The following CIMAP3 variants were observed in gnomAD, a reference collection of about 807,000 sequenced individuals.
CIMAP3 encodes ciliary microtubule associated protein 3.
chr1:111,347,028 G>A, the CIMAP3 span: 3 of 1,613,112 alleles, frequency 1.9e-6, no homozygotes, highest in South Asian at 2.2e-5. Flanking sequence ...CCCACAGAGG[G>A]CCTGGGTGTT....
At chr1:111,352,501 AAAT>A in the CIMAP3 span, 1 of 152,658 alleles carries the variant, frequency 6.6e-6, no homozygotes, top group Non-Finnish European at 1.5e-5. Context: ...AGGTCTTCTG[AAAT>A]AATAATGGTG....
the CIMAP3 span, chr1:111,348,856 A>G: frequency 2.1e-6 from 1 of 473,824 alleles, no homozygotes; most frequent in South Asian, 3.3e-5. Context: ...TTTTATTAAC[A>G]TGCCAGGTAG....
the CIMAP3 span, chr1:111,348,636 T>TA: frequency 4.4e-6 from 7 of 1,597,514 alleles, no homozygotes. Flanking sequence ...AAAGGACACT[T>TA]ACTATCCCAG....
the CIMAP3 span, among the ~76,000 whole-genome samples, chr1:111,330,744 T>C: frequency 2.6e-5 from 4 of 152,178 alleles, no homozygotes; most frequent in Admixed American, 1.3e-4. Flanking sequence ...TAGTAGTGGT[T>C]GTGGCCAAGG....
chr1:111,327,550 A>G, the CIMAP3 span, among the ~76,000 whole-genome samples: 119 of 152,202 alleles, frequency 7.8e-4, no homozygotes, highest in African/African-American at 2.7e-3. Flanking sequence ...TCATTGGCCT[A>G]TTCAGGGAAT....
At chr1:111,332,851 T>A in the CIMAP3 span, among the ~76,000 whole-genome samples, 3 of 152,156 alleles carry the variant, frequency 2.0e-5, no homozygotes, top group Non-Finnish European at 4.4e-5. Context: ...GCCTGGGGGC[T>A]TGCCCTCCAG....
chr1:111,345,291 T>A, the CIMAP3 span, among the ~76,000 whole-genome samples: 1 of 152,226 alleles, frequency 6.6e-6, no homozygotes, highest in Non-Finnish European at 1.5e-5. Flanking sequence ...CTATCTTTAT[T>A]CCATTTAAGC....
At chr1:111,347,519 A>G in the CIMAP3 span, among the ~76,000 whole-genome samples, 1 of 152,212 alleles carries the variant, frequency 6.6e-6, no homozygotes, top group Non-Finnish European at 1.5e-5. Flanking sequence ...GAGTCAAGAC[A>G]ATAAAGAATA....
At chr1:111,335,402 C>T in the CIMAP3 span, among the ~76,000 whole-genome samples, 3 of 152,124 alleles carry the variant, frequency 2.0e-5, no homozygotes, top group Non-Finnish European at 4.4e-5. Context: ...CAAGGCATTG[C>T]CTCACTCAGG....
the CIMAP3 span, among the ~76,000 whole-genome samples, chr1:111,333,466 C>T: frequency 6.6e-6 from 1 of 152,170 alleles, no homozygotes; most frequent in Non-Finnish European, 1.5e-5. Flanking sequence ...TCCTTGTGCT[C>T]CTAATCTGGG....
At chr1:111,339,430 C>T in the CIMAP3 span, among the ~76,000 whole-genome samples, 15,676 of 148,164 alleles carry the variant, frequency 0.11, 899 homozygotes, top group Non-Finnish European at 0.14. Flanking sequence ...TGTTTGCAGA[C>T]GACATGATTG....
chr1:111,345,086 T>A, the CIMAP3 span, among the ~76,000 whole-genome samples: 1 of 152,208 alleles, frequency 6.6e-6, no homozygotes, highest in Non-Finnish European at 1.5e-5. Context: ...GGCTATACCA[T>A]CTAGGTTTGT....
At chr1:111,327,574 G>T in the CIMAP3 span, among the ~76,000 whole-genome samples, 1 of 151,998 alleles carries the variant, frequency 6.6e-6, no homozygotes, top group African/African-American at 2.4e-5. Flanking sequence ...TTTCTTCCTG[G>T]CTCAGTCTTG....
At chr1:111,339,516 A>G in the CIMAP3 span, among the ~76,000 whole-genome samples, 1 of 151,426 alleles carries the variant, frequency 6.6e-6, no homozygotes, top group African/African-American at 2.4e-5. Context: ...GTCTCAGGAT[A>G]CAAAATCAAT....
At chr1:111,336,929 GT>G in the CIMAP3 span, among the ~76,000 whole-genome samples, 1 of 151,656 alleles carries the variant, frequency 6.6e-6, no homozygotes, top group African/African-American at 2.4e-5. Flanking sequence ...CGGAAAAAAT[GT>G]TAAGGGCAGC....
At chr1:111,346,939 T>C in the CIMAP3 span, 1 of 1,613,844 alleles carries the variant, frequency 6.2e-7, no homozygotes, top group Non-Finnish European at 8.5e-7. Context: ...TTTTGGAACA[T>C]GTCAACAGAG....
chr1:111,343,251 G>A, the CIMAP3 span, among the ~76,000 whole-genome samples: 1 of 152,068 alleles, frequency 6.6e-6, no homozygotes, highest in African/African-American at 2.4e-5. Context: ...ATTTTAAAAT[G>A]AGACAAATCT....
chr1:111,344,515 C>T, the CIMAP3 span, among the ~76,000 whole-genome samples: 1 of 152,288 alleles, frequency 6.6e-6, no homozygotes, highest in East Asian at 1.9e-4. Context: ...CTTCTCTTCT[C>T]TCTGAGATTT....
the CIMAP3 span, among the ~76,000 whole-genome samples, chr1:111,336,250 A>G: frequency 7.9e-3 from 1,205 of 152,316 alleles, 16 homozygotes; most frequent in African/African-American, 0.027. Context: ...AAAGATGGGG[A>G]AAAAACAGAG....
Sources: allele counts gnomAD v4.1 joint callset (sites outside exome capture counted in the v4.1 genomes callset), GRCh38; gene constraint gnomAD v4.1.1; transcripts MANE v1.5; gene names NCBI Gene and HGNC (gene_info 2026-07-23, HGNC 2026-07-21).